Variants in DAG1 observed in about 807,000 individuals in gnomAD.
DAG1 encodes dystroglycan 1 (dystrophin-associated glycoprotein 1).
In DAG1, 8 loss-of-function variants were observed where a neutral mutation model predicts 46.1. The observed-to-expected ratio is 0.17, with a 90% CI of 0.10 to 0.31. DAG1 has a LOEUF of 0.31. Ranked by LOEUF, DAG1 falls within the 10% of genes least tolerant of loss-of-function variation. The pLI is 1.00. For synonymous variants in DAG1, 495 were observed against 481.8 expected (o/e 1.03, Z -0.36); for missense variants, 1,003 against 1,189.9 (o/e 0.84, Z 2.31).
intron 2 of DAG1, among the ~76,000 whole-genome samples, chr3:49,529,885 A>T (rs1461700111): frequency 1.3e-5 from 2 of 152,164 alleles, no homozygotes; most frequent in African/African-American, 4.8e-5. Flanking sequence ...ATGACCAGTT[A>T]TATCTCTGTG....
intron 1 of DAG1, among the ~76,000 whole-genome samples, chr3:49,508,699 A>T (rs1481258245): frequency 6.6e-6 from 1 of 150,652 alleles, no homozygotes; most frequent in African/African-American, 2.4e-5. Flanking sequence ...CATGCCTGGC[A>T]TGTATTTTTA....
chr3:49,495,967 A>G (rs1230701703), intron 1 of DAG1, among the ~76,000 whole-genome samples: 2 of 151,870 alleles, frequency 1.3e-5, no homozygotes, highest in Non-Finnish European at 2.9e-5. Flanking sequence ...AAAAACCCCA[A>G]ATGGATGGTT....
rs1338893254 is a variant in DAG1 at position 49,535,389 on chromosome 3, AG to A, written c.*2191del. On this transcript the variant is annotated 3_prime_UTR_variant, in exon 3 of 3. Transcript: ENST00000308775. ...CCATAGCAACTGGAGGCGATGGGGC[AG>A]TGAACAGAATAACAACAGCAACAAT... The A allele has an allele frequency of 5.2e-5, 8 of 152,830 alleles. No homozygotes were observed. The highest frequency in any genetic ancestry group is 1.9e-4 in the African/African-American group (8 of 41,602). 9.5% of individuals were successfully genotyped at this position (152,830 alleles called of 1,614,324 possible). A position where few individuals can be genotyped will look rare whatever the true frequency, so the allele number is the denominator to read the frequency against.
At chr3:49,523,100 T>G (rs2051079430) in intron 2 of DAG1, among the ~76,000 whole-genome samples, 1 of 141,978 alleles carries the variant, frequency 7.0e-6, no homozygotes, top group African/African-American at 2.6e-5. Flanking sequence ...TCCTGCCTCT[T>G]TTCTGCCCTT....
chr3:49,531,279 C>T lies in DAG1; in HGVS notation c.768C>T (p.Ala256=), dbSNP rs774119754. 1 of 1,614,132 alleles carries T rather than the reference C, an allele frequency of 6.2e-7. No individual in the cohort carries two copies. Among genetic ancestry groups the T allele is most frequent in the Non-Finnish European group, 8.5e-7 (1 of 1,180,030 alleles). ...CAAAAAAGGTGGTGGAGAATGGGGC[C>T]CTTCTCTCCTGGAAGCTGGGCTGCT... The part of the protein sequence containing the change: ...GNAKKVVENG[A]LLSWKLGCSL... Residue 256 remains alanine, a synonymous_variant, in exon 3 of 3, where the codon GCC becomes GCT. Coordinates refer to ENST00000308775, the MANE Select transcript of DAG1 (RefSeq NM_004393.6). The surrounding 1 kb of genome is among the most constrained non-coding windows in gnomAD (Gnocchi z 7.0).
chr3:49,515,584 C>CTT (rs924699982), intron 2 of DAG1, among the ~76,000 whole-genome samples: 2 of 151,920 alleles, frequency 1.3e-5, no homozygotes, highest in African/African-American at 4.8e-5. Flanking sequence ...ATGGGTCTCA[C>CTT]TTTGTTGCCC....
chr3:49,510,937 C>T, intron 2 of DAG1, 118 bp downstream of exon 2: 2 of 1,537,702 alleles, frequency 1.3e-6, no homozygotes, highest in Non-Finnish European at 1.7e-6. Context: ...TTCCAGTACC[C>T]CCTTAGAAGA....
chr3:49,533,292 C>T lies in DAG1; in HGVS notation c.*93C>T, dbSNP rs1344868381. On this transcript the variant is annotated 3_prime_UTR_variant, in exon 3 of 3. Transcript: ENST00000308775. ...GACCGGTGGCCTGCAGACCATTGCC[C>T]ACCGGGAGCCGACACCTGACCTAGC... The T allele has an allele frequency of 1.3e-6, 2 of 1,556,646 alleles. No homozygotes were observed. Among genetic ancestry groups the T allele is most frequent in the Non-Finnish European group, 8.7e-7 (1 of 1,155,330 alleles).
At chr3:49,519,975 C>T (rs1340204542) in intron 2 of DAG1, among the ~76,000 whole-genome samples, 2 of 152,188 alleles carry the variant, frequency 1.3e-5, no homozygotes, top group Non-Finnish European at 2.9e-5. Flanking sequence ...ACAGTGTGTT[C>T]AGTATTGATC....
At chr3:49,505,974 T>G (rs1484641972) in intron 1 of DAG1, among the ~76,000 whole-genome samples, 1 of 146,738 alleles carries the variant, frequency 6.8e-6, no homozygotes, top group Non-Finnish European at 1.5e-5. Flanking sequence ...CCGGCCTATT[T>G]TTTTTTCTTT....
At position 49,530,704 on chromosome 3, in the gene DAG1, A is replaced by G. The variant is rs944961431; in HGVS notation, c.286-93A>G. ...CAGCAGGCATTCTGAATTATACCTTAAACCTGTCACACAATTCAGGTTAAC... is the reference window on the plus strand; with the variant it reads ...CAGCAGGCATTCTGAATTATACCTTGAACCTGTCACACAATTCAGGTTAAC... On this transcript the variant is annotated intron_variant, in intron 2 of 2. Transcript: ENST00000308775. The G allele has an allele frequency of 1.9e-6, 3 of 1,574,120 alleles. No homozygotes were observed. The South Asian group carries it at 3.4e-5, about 18-fold the overall frequency.
At chr3:49,502,573 T>C (rs1007628816) in intron 1 of DAG1, among the ~76,000 whole-genome samples, 34 of 152,058 alleles carry the variant, frequency 2.2e-4, no homozygotes, top group African/African-American at 8.2e-4. Flanking sequence ...CTATTACTTA[T>C]CTCACATTGA....
intron 1 of DAG1, among the ~76,000 whole-genome samples, chr3:49,501,024 A>G (rs1219213686): frequency 6.6e-6 from 1 of 152,212 alleles, no homozygotes. Context: ...AGCATCAGAA[A>G]GACAAAAGGG....
intron 1 of DAG1, among the ~76,000 whole-genome samples, chr3:49,494,930 GGCT>G (rs2050273529): frequency 1.3e-5 from 2 of 152,118 alleles, no homozygotes; most frequent in Admixed American, 6.6e-5. Flanking sequence ...ACCGGCGCTT[GGCT>G]GCTTGGGGAA....
chr3:49,482,661 T>C (rs1269618092), intron 1 of DAG1, among the ~76,000 whole-genome samples: 1 of 152,194 alleles, frequency 6.6e-6, no homozygotes, highest in African/African-American at 2.4e-5. Context: ...TTTGTCCTTA[T>C]TATGATGCAA....
At chr3:49,489,740 G>A (rs1393154398) in intron 1 of DAG1, among the ~76,000 whole-genome samples, 2 of 152,118 alleles carry the variant, frequency 1.3e-5, no homozygotes, top group Admixed American at 1.3e-4. Context: ...TTTTGTGTTT[G>A]TAATGTTTCT....
chr3:49,505,711 G>A (rs573581105), intron 1 of DAG1, among the ~76,000 whole-genome samples: 1 of 151,522 alleles, frequency 6.6e-6, no homozygotes, highest in East Asian at 1.9e-4. Flanking sequence ...CGCTCTTGTT[G>A]CCCAGGTTGG....
intron 2 of DAG1, among the ~76,000 whole-genome samples, chr3:49,527,433 A>G (rs2051206756): frequency 6.6e-6 from 1 of 152,004 alleles, no homozygotes; most frequent in Non-Finnish European, 1.5e-5. Context: ...GAGGCAGGAG[A>G]ATGGCATGAA....
upstream of DAG1, chr3:49,470,247 C>G (rs2049468027): frequency 6.6e-6 from 1 of 151,840 alleles, no homozygotes; most frequent in African/African-American, 2.4e-5. Context: ...GCGCCCCGCC[C>G]TTGCGCTCAG....
Sources: gnomAD v4.1 joint callset for allele counts (sites outside exome capture counted in the v4.1 genomes callset) on GRCh38, gnomAD v4.1.1 for gene constraint, Gnocchi (gnomAD v3.1) non-coding constraint, MANE v1.5 for transcripts, NCBI Gene and HGNC (gene_info 2026-07-23, HGNC 2026-07-21) for gene names.